Variants in MED12L observed in about 807,000 individuals in gnomAD.
MED12L encodes mediator complex subunit 12L.
MED12L carries 60 observed loss-of-function variants against 281.3 expected under a neutral mutation model. That is an observed-to-expected ratio of 0.21 (90% confidence interval 0.17 to 0.26). The LOEUF is 0.26. Among genes scored for constraint, MED12L ranks in the 10% least tolerant of loss-of-function variants. MED12L has a pLI of 1.00. For synonymous variants in MED12L, 974 were observed against 987.2 expected, an observed-to-expected ratio of 0.99 and a Z score of 0.25; for missense variants, 2,146 against 2,680.9, an observed-to-expected ratio of 0.80 and a Z score of 4.41.
At position 151,360,649 on chromosome 3, in the gene MED12L, A is replaced by G. The variant is rs754322880; in HGVS notation, c.2957+44A>G. The G allele has an allele frequency of 5.8e-6, 9 of 1,560,144 alleles. No individual in the cohort carries two copies. In the East Asian group the frequency reaches 1.1e-4, roughly 20 times the overall value. ...AAAGGACAGAAATAGGATCATGCCT[A>G]TGTTTGTTAGTGACCCTGACAATAT... On this transcript the variant is annotated intron_variant, in intron 21 of 44. Coordinates refer to ENST00000687756, the MANE Select transcript of MED12L (RefSeq NM_001393769.1).
intron 2 of MED12L, among the ~76,000 whole-genome samples, chr3:151,092,549 A>G (rs2148618976): frequency 6.6e-6 from 1 of 152,332 alleles, no homozygotes; most frequent in East Asian, 1.9e-4. Flanking sequence ...TGCTTGGTTT[A>G]TTTTGGTAAC....
At chr3:151,125,026 A>G (rs893464222) in intron 4 of MED12L, among the ~76,000 whole-genome samples, 11 of 152,224 alleles carry the variant, frequency 7.2e-5, no homozygotes, top group Admixed American at 3.3e-4. Flanking sequence ...AGCACATGCT[A>G]GGTGTCTTAA....
intron 28 of MED12L, among the ~76,000 whole-genome samples, 175 bp downstream of exon 28, chr3:151,376,389 C>A (rs868837246): frequency 5.9e-5 from 9 of 152,088 alleles, no homozygotes; most frequent in Admixed American, 6.6e-5. Context: ...GTACATGCTG[C>A]AAATTGTATA....
intron 27 of MED12L, among the ~76,000 whole-genome samples, chr3:151,374,433 A>G (rs1756575399): frequency 6.6e-6 from 1 of 152,184 alleles, no homozygotes; most frequent in Non-Finnish European, 1.5e-5. Context: ...CTGTCATCCC[A>G]GCTACTTGGG....
At chr3:151,255,027 A>G (rs1308781307) in intron 16 of MED12L, among the ~76,000 whole-genome samples, 2 of 152,162 alleles carry the variant, frequency 1.3e-5, no homozygotes, top group Admixed American at 1.3e-4. Context: ...AACAATATAA[A>G]TATAGTATTA....
At chr3:151,293,464 G>A (rs1744536829) in intron 16 of MED12L, among the ~76,000 whole-genome samples, 1 of 151,970 alleles carries the variant, frequency 6.6e-6, no homozygotes, top group Non-Finnish European at 1.5e-5. Flanking sequence ...TGGGGGTGAG[G>A]CATGAAGCAC....
At chr3:151,129,632 TCTC>T (rs1459185758) in intron 5 of MED12L, among the ~76,000 whole-genome samples, 3 of 152,034 alleles carry the variant, frequency 2.0e-5, no homozygotes, top group East Asian at 3.8e-4. Flanking sequence ...TCTTCTCCCT[TCTC>T]CTCTGTTATC....
chr3:151,116,545 ATAT>A, intron 3 of MED12L, 103 bp downstream of exon 3: 1 of 727,782 alleles, frequency 1.4e-6, no homozygotes. Context: ...GCCACAGTCC[ATAT>A]TCAGATTTCC....
intron 16 of MED12L, among the ~76,000 whole-genome samples, chr3:151,335,853 CAT>C (rs1364638285): frequency 6.6e-6 from 1 of 152,128 alleles, no homozygotes; most frequent in African/African-American, 2.4e-5. Context: ...ACTCATAAAA[CAT>C]AGGTAATTTC....
At chr3:151,129,219 G>A (rs1388982805) in intron 5 of MED12L, among the ~76,000 whole-genome samples, 1 of 152,158 alleles carries the variant, frequency 6.6e-6, no homozygotes, top group East Asian at 1.9e-4. Flanking sequence ...GGTATAAAGT[G>A]GTGGGGAGTG....
chr3:151,272,654 TG>T (rs1231612337), intron 16 of MED12L, among the ~76,000 whole-genome samples: 3 of 152,318 alleles, frequency 2.0e-5, no homozygotes, highest in African/African-American at 7.2e-5. Context: ...AACCAAATCC[TG>T]GTTAATTAAG....
chr3:151,086,837 A>G lies in MED12L; in HGVS notation c.-90A>G, dbSNP rs1051131688. ...AGCGAGCGAGGAGGGGGAGAGAGGG[A>G]GTCTGTCTGCAAAGTGCTGCTCCCT... On this transcript the variant is annotated 5_prime_UTR_variant, in exon 2 of 45. Coordinates refer to ENST00000687756, the MANE Select transcript of MED12L (RefSeq NM_001393769.1). The G allele has an allele frequency of 1.0e-6, 1 of 969,218 alleles. No homozygotes were observed. Among genetic ancestry groups the G allele is most frequent in the Non-Finnish European group, 1.5e-6 (1 of 654,996 alleles). 60.0% of individuals were successfully genotyped at this position (969,218 alleles called of 1,614,324 possible).
At chr3:151,247,959 CTTCTTTTTTTTTTTTTT>C (rs907684467) in intron 16 of MED12L, among the ~76,000 whole-genome samples, 9 of 65,456 alleles carry the variant, frequency 1.4e-4, no homozygotes, top group Middle Eastern at 7.2e-3. Flanking sequence ...TCTTCTTCTT[CTTCTTTTTTTTTTTTTT>C]TTTTTTTTTG....
intron 12 of MED12L, among the ~76,000 whole-genome samples, 163 bp downstream of exon 12, chr3:151,185,624 C>G (rs1460298558): frequency 6.6e-6 from 1 of 152,124 alleles, no homozygotes; most frequent in Non-Finnish European, 1.5e-5. Context: ...TAGAATCTCT[C>G]TAAATTGATG....
intron 5 of MED12L, among the ~76,000 whole-genome samples, chr3:151,147,677 C>G (rs1717922037): frequency 6.6e-6 from 1 of 152,226 alleles, no homozygotes; most frequent in Non-Finnish European, 1.5e-5. Flanking sequence ...CATGTGGTAG[C>G]AGGTTTCAGT....
intron 27 of MED12L, among the ~76,000 whole-genome samples, chr3:151,374,794 C>T (rs1282051198): frequency 6.6e-6 from 1 of 151,922 alleles, no homozygotes; most frequent in Non-Finnish European, 1.5e-5. Context: ...TATAGAATAG[C>T]TTACTTTCAA....
chr3:151,213,665 GGTGGGACTTAAA>G, intron 16 of MED12L: 1 of 1,614,130 alleles, frequency 6.2e-7, no homozygotes. Flanking sequence ...CTTGACTTAA[GGTGGGACTTAAA>G]GATTTTCTTT....
intron 16 of MED12L, among the ~76,000 whole-genome samples, chr3:151,264,633 G>A (rs1739492422): frequency 6.6e-6 from 1 of 152,168 alleles, no homozygotes; most frequent in Admixed American, 6.5e-5. Context: ...AAACTGCTCT[G>A]TCATAATCAA....
At position 151,356,044 on chromosome 3, in the gene MED12L, C is replaced by G; in HGVS notation, c.2661+5C>G. The G allele has an allele frequency of 6.2e-7, 1 of 1,603,544 alleles. No individual in the cohort carries two copies. Among genetic ancestry groups the G allele is most frequent in the Non-Finnish European group, 8.5e-7 (1 of 1,176,998 alleles). On this transcript the variant is annotated splice_donor_5th_base_variant and intron_variant, in intron 19 of 44. Transcript: ENST00000687756. ...CTAATTGACTTCGCAATACAGGTGT[C>G]AAAGAGACCATGTTTCTCTTACTTT... is the stretch of plus-strand genomic sequence containing the variant.
Sources: allele counts gnomAD v4.1 joint callset (sites outside exome capture counted in the v4.1 genomes callset), GRCh38; gene constraint gnomAD v4.1.1; transcripts MANE v1.5; gene names NCBI Gene and HGNC (gene_info 2026-07-23, HGNC 2026-07-21).